PRPF6: variants seen among roughly 807,000 people sequenced by gnomAD.
PRPF6 encodes the protein pre-mRNA-processing factor 6.
Under a neutral mutation model 118.3 loss-of-function variants are expected in PRPF6, and 42 were observed. The observed-to-expected ratio is 0.35, with a 90% CI of 0.28 to 0.46. The LOEUF is 0.46. Among genes scored for constraint, PRPF6 ranks in the 20% least tolerant of loss-of-function variants. The pLI is 1.00. For synonymous variants in PRPF6, 481 were observed against 485.1 expected, an observed-to-expected ratio of 0.99 and a Z score of 0.11; for missense variants, 662 against 1,255.7, an observed-to-expected ratio of 0.53 and a Z score of 7.15.
At chr20:64,018,617 A>T (rs777431931) in intron 12 of PRPF6, among the ~76,000 whole-genome samples, 6 of 151,916 alleles carry the variant, frequency 3.9e-5, no homozygotes, top group Admixed American at 6.6e-5. Context: ...GATTTTTTTT[A>T]AATCTTTTTT....
chr20:63,986,489 CTT>C (rs759745026), intron 3 of PRPF6, among the ~76,000 whole-genome samples: 31 of 138,592 alleles, frequency 2.2e-4, no homozygotes, highest in Admixed American at 3.6e-4. Flanking sequence ...ACCATATGAT[CTT>C]TTTTTTTTTT....
Position 63,995,645 on chromosome 20 carries a change from G to A in PRPF6, c.771+163G>A, listed in dbSNP as rs537013279. ...TTTTTTTTTGGCTTGATTTTTGCCT[G>A]AATAATTCCGCAGATTTTTAAAATT... is the stretch of plus-strand genomic sequence containing the variant. On this transcript the variant is annotated intron_variant, in intron 6 of 20. Coordinates refer to ENST00000266079, the MANE Select transcript of PRPF6 (RefSeq NM_012469.4). 3.2e-5 allele frequency among the ~76,000 whole-genome samples: 4 copies of A among 124,382 alleles called. No homozygotes were observed. The Admixed American group carries it at 3.7e-4, about 12-fold the overall frequency. The allele number at this position is 124,382 out of a possible 152,430, so 81.6% of individuals were successfully genotyped here.
chr20:64,030,397 C>T (rs1258500479), intron 19 of PRPF6, among the ~76,000 whole-genome samples: 1 of 152,198 alleles, frequency 6.6e-6, no homozygotes, highest in East Asian at 1.9e-4. Flanking sequence ...AGACAACAGC[C>T]TTCCTAGTGC....
chr20:64,022,006 G>A (rs1352160472), intron 12 of PRPF6, among the ~76,000 whole-genome samples: 2 of 149,432 alleles, frequency 1.3e-5, no homozygotes, highest in East Asian at 1.9e-4. Flanking sequence ...GTGTGTGTGT[G>A]TGTGTGTGTG....
intron 8 of PRPF6, among the ~76,000 whole-genome samples, chr20:64,000,111 C>T (rs1277698233): frequency 6.6e-6 from 1 of 152,088 alleles, no homozygotes; most frequent in Non-Finnish European, 1.5e-5. Flanking sequence ...GCCACCATGC[C>T]TGAATCCACC....
chr20:64,001,139 A>G lies in PRPF6; in HGVS notation c.1086A>G (p.Val362=), dbSNP rs2059164567. 8 of 1,614,102 alleles carry G rather than the reference A, an allele frequency of 5.0e-6. No individual in the cohort carries two copies. The highest frequency in any genetic ancestry group is 3.3e-4 in the Middle Eastern group (2 of 6,084). The change falls in exon 9 of 21, where the codon GTA becomes GTG. Residue 362 remains valine, a synonymous_variant. Coordinates refer to ENST00000266079, the MANE Select transcript of PRPF6 (RefSeq NM_012469.4). ...CTGGGGACACAGCCAAGGCCGTGGTAGCCCAAGCTGTCCGTCATCTCCCAC... is the reference window on the plus strand; with the variant it reads ...CTGGGGACACAGCCAAGGCCGTGGTGGCCCAAGCTGTCCGTCATCTCCCAC... The part of the protein sequence containing the change: ...LQPGDTAKAV[V]AQAVRHLPQS...
intron 8 of PRPF6, 64 bp from the exon 9 acceptor site, chr20:64,001,009 GTGCC>G: frequency 6.5e-7 from 1 of 1,547,864 alleles, no homozygotes; most frequent in Non-Finnish European, 8.9e-7. Flanking sequence ...CTGGAGATCT[GTGCC>G]TGCTGCCCTG....
At chr20:63,983,005 C>G (rs768550961) in intron 1 of PRPF6, 42 bp from the exon 2 acceptor site, 2 of 1,607,720 alleles carry the variant, frequency 1.2e-6, no homozygotes, top group Non-Finnish European at 1.7e-6. Context: ...AGCACAGGAA[C>G]AGAGTTATTC....
intron 9 of PRPF6, among the ~76,000 whole-genome samples, chr20:64,006,680 G>C (rs1406310713): frequency 6.6e-6 from 1 of 152,174 alleles, no homozygotes; most frequent in African/African-American, 2.4e-5. Flanking sequence ...CTTGGCAGTG[G>C]AGACGGGACT....
At position 64,028,592 on chromosome 20, in the gene PRPF6, G is replaced by A. The variant is rs1251715948; in HGVS notation, c.2431+23G>A. On this transcript the variant is annotated intron_variant, in intron 18 of 20. Coordinates refer to ENST00000266079, the MANE Select transcript of PRPF6 (RefSeq NM_012469.4). This position sits in a 1 kb window ranked among gnomAD's most constrained non-coding sequence, Gnocchi z 6.5. ...CCGGTAAGGGGGTGCCCCGACTCCG[G>A]TAAGGGGGTGCCCTGACTCCGGTAA... 6.2e-7 allele frequency: 1 copy of A among 1,607,922 alleles called. No individual in the cohort carries two copies. The highest frequency in any genetic ancestry group is 8.5e-7 in the Non-Finnish European group (1 of 1,177,912).
At chr20:64,010,173 C>T (rs763646307) in intron 9 of PRPF6, 27 bp from the exon 10 acceptor site, 26 of 1,577,898 alleles carry the variant, frequency 1.6e-5, no homozygotes, top group South Asian at 4.4e-5. Flanking sequence ...TTTTCTGTGA[C>T]GTGGTTTCTC....
intron 2 of PRPF6, among the ~76,000 whole-genome samples, 170 bp from the exon 3 acceptor site, chr20:63,984,737 T>C (rs997911166): frequency 6.6e-6 from 1 of 152,316 alleles, no homozygotes; most frequent in South Asian, 2.1e-4. Flanking sequence ...TTCCATGCCC[T>C]TGACGCTTGA....
chr20:64,016,941 T>A, intron 12 of PRPF6, 96 bp downstream of exon 12: 2 of 992,302 alleles, frequency 2.0e-6, no homozygotes, highest in Non-Finnish European at 2.8e-6. Flanking sequence ...TTAAAACTCT[T>A]TTTTTTTTTT....
chr20:64,016,438 T>TA (rs1309202406), intron 11 of PRPF6, among the ~76,000 whole-genome samples: 1 of 152,140 alleles, frequency 6.6e-6, no homozygotes, highest in Admixed American at 6.5e-5. Context: ...CCTTGTCTCT[T>TA]AAAAAAATAA....
chr20:63,995,230 A>AT, intron 5 of PRPF6, 97 bp from the exon 6 acceptor site: 1 of 1,573,206 alleles, frequency 6.4e-7, no homozygotes, highest in East Asian at 2.3e-5. Flanking sequence ...AGCTGTGCAT[A>AT]TGTCAGGCCA....
At chr20:63,983,315 C>G (rs1601506012) in intron 2 of PRPF6, 100 bp downstream of exon 2, 1 of 1,441,332 alleles carries the variant, frequency 6.9e-7, no homozygotes, top group East Asian at 2.3e-5. Flanking sequence ...CTTGGAGTGG[C>G]TCATGCATTT....
chr20:64,003,211 G>C (rs564345508), intron 9 of PRPF6, among the ~76,000 whole-genome samples: 2 of 152,264 alleles, frequency 1.3e-5, no homozygotes, highest in Non-Finnish European at 2.9e-5. Context: ...CAGAGAGCTG[G>C]GATTACAGGC....
intron 8 of PRPF6, among the ~76,000 whole-genome samples, chr20:64,000,451 C>T (rs780078622): frequency 7.7e-4 from 64 of 83,476 alleles, no homozygotes; most frequent in Non-Finnish European, 1.3e-3. Flanking sequence ...AGCGAGATTC[C>T]GTCTCAAAAA....
chr20:64,031,658 G>C (rs1411972623), intron 19 of PRPF6, among the ~76,000 whole-genome samples: 2 of 145,780 alleles, frequency 1.4e-5, no homozygotes, highest in African/African-American at 5.1e-5. Context: ...GGGCGACAGA[G>C]CGAGACTCCT....
Sources: allele counts gnomAD v4.1 joint callset (sites outside exome capture counted in the v4.1 genomes callset), GRCh38; gene constraint gnomAD v4.1.1; non-coding constraint Gnocchi (gnomAD v3.1); transcripts MANE v1.5; gene names NCBI Gene and HGNC (gene_info 2026-07-23, HGNC 2026-07-21).